Variants in CARF observed in about 807,000 individuals in gnomAD.
CARF encodes the protein calcium-responsive transcription factor.
A neutral mutation model predicts 82.0 loss-of-function variants in CARF; 57 were observed. That is an observed-to-expected ratio of 0.70 (90% confidence interval 0.56 to 0.87). The LOEUF (loss-of-function observed/expected upper bound fraction) is 0.87, where lower values mean the gene tolerates loss of function less well. Among genes scored for constraint, CARF ranks in the 40% least tolerant of loss-of-function variants. CARF has a pLI of 0.00. For synonymous variants in CARF, 268 were observed against 290.1 expected (o/e 0.92, Z 0.77); for missense variants, 771 against 855.8 (o/e 0.90, Z 1.24).
At position 202,987,199 on chromosome 2, in the gene CARF, T is replaced by C. The variant is rs530270728; in HGVS notation, c.*3575T>C. Reference sequence around the variant, plus strand: ...CCTGCAACTCAGCCAAGCATCAACATTTTAAAACAATGTGTGTAATAAGTA... The same window carrying C: ...CCTGCAACTCAGCCAAGCATCAACACTTTAAAACAATGTGTGTAATAAGTA... On this transcript the variant is annotated 3_prime_UTR_variant, in exon 17 of 17. Coordinates refer to ENST00000438828, the MANE Select transcript of CARF (RefSeq NM_024744.17). 5.9e-5 allele frequency: 9 copies of C among 152,008 alleles called. No homozygotes were observed. The highest frequency in any genetic ancestry group is 5.9e-4 in the Admixed American group (9 of 15,206). The allele number at this position is 152,008 out of a possible 1,614,324, so 9.4% of individuals were successfully genotyped here. A position where few individuals can be genotyped will look rare whatever the true frequency, so the allele number is the denominator to read the frequency against.
At chr2:202,969,301 CATGG>C (rs2059680164) in intron 10 of CARF, among the ~76,000 whole-genome samples, 1 of 151,946 alleles carries the variant, frequency 6.6e-6, no homozygotes, top group Admixed American at 6.6e-5. Context: ...CAGGGCCAGG[CATGG>C]CAGCTCATGC....
chr2:202,954,805 T>A (rs2058955712), intron 7 of CARF, among the ~76,000 whole-genome samples: 1 of 150,944 alleles, frequency 6.6e-6, no homozygotes. Context: ...GTCAGGAGAT[T>A]GAGACCATCC....
Position 202,969,972 on chromosome 2 carries a change from C to T in CARF, c.1007C>T (p.Pro336Leu), listed in dbSNP as rs751343153. The T allele has an allele frequency of 1.9e-6, 3 of 1,572,444 alleles. No individual in the cohort carries two copies. In the South Asian group the frequency reaches 3.7e-5, roughly 19 times the overall value. ...KFPEYRVPTD[P>L]KIDKKIIRME... ...CCTGAATATAGAGTTCCTACAGACCCCAAAATTGACAAGAAAATTATCAGA... is the reference window on the plus strand; with the variant it reads ...CCTGAATATAGAGTTCCTACAGACCTCAAAATTGACAAGAAAATTATCAGA... Residue 336 changes from proline (P) to leucine (L), a missense_variant, in exon 11 of 17, where the codon CCC (proline) becomes CTC (leucine). Transcript: ENST00000438828.
intron 13 of CARF, among the ~76,000 whole-genome samples, chr2:202,976,132 GATA>G (rs2060016703): frequency 6.6e-6 from 1 of 151,704 alleles, no homozygotes; most frequent in Non-Finnish European, 1.5e-5. Flanking sequence ...TGCCCAAAGT[GATA>G]ATGTTGGTTC....
intron 3 of CARF, among the ~76,000 whole-genome samples, chr2:202,935,571 A>C (rs1693800191): frequency 6.6e-6 from 1 of 151,602 alleles, no homozygotes. Flanking sequence ...CTGCAGGCAC[A>C]CACCACCATG....
intron 5 of CARF, 105 bp from the exon 6 acceptor site, chr2:202,952,454 T>A: frequency 9.6e-7 from 1 of 1,046,602 alleles, no homozygotes; most frequent in Non-Finnish European, 1.3e-6. Context: ...AATCATAGAA[T>A]CCATCATAGA....
At chr2:202,974,270 C>G in intron 12 of CARF, 64 bp from the exon 13 acceptor site, 1 of 1,186,816 alleles carries the variant, frequency 8.4e-7, no homozygotes, top group Non-Finnish European at 1.2e-6. Context: ...ACCTTTCTGT[C>G]TTTTGATCTA....
At chr2:202,972,674 T>TGAA (rs2059843522) in intron 12 of CARF, among the ~76,000 whole-genome samples, 1 of 103,016 alleles carries the variant, frequency 9.7e-6, no homozygotes, top group Non-Finnish European at 1.8e-5. Flanking sequence ...AGACTCCGTC[T>TGAA]AAAAAAAAAA....
At chr2:202,938,500 G>C (rs917101407) in intron 3 of CARF, 2 of 151,640 alleles carry the variant, frequency 1.3e-5, no homozygotes, top group African/African-American at 4.8e-5. Context: ...TGAACTCCTG[G>C]CATCAAGTGA....
In CARF at chr2:202,961,579, G is replaced by A. The variant is rs1031463029; in HGVS notation, c.832+153G>A. On this transcript the variant is annotated intron_variant, in intron 9 of 16. Coordinates refer to ENST00000438828, the MANE Select transcript of CARF (RefSeq NM_024744.17). ...GCATATTAAATTGAAAAAACTTATA[G>A]AAAATATAATCAATTACTTTATAAT... is the stretch of plus-strand genomic sequence containing the variant. 4 of 630,794 alleles carry A rather than the reference G, an allele frequency of 6.3e-6. No homozygotes were observed. In the South Asian group the frequency reaches 8.3e-5, roughly 13 times the overall value. The allele number at this position is 630,794 out of a possible 1,614,324, so 39.1% of individuals were successfully genotyped here.
chr2:202,926,128 ACCT>A (rs1479884990), intron 3 of CARF, among the ~76,000 whole-genome samples: 1 of 151,890 alleles, frequency 6.6e-6, no homozygotes, highest in East Asian at 1.9e-4. Context: ...CAGCCTACCT[ACCT>A]CCTCTGGCCG....
At chr2:202,943,587 TACACACACACACACACACACACACAC>T (rs754214990) in intron 5 of CARF, among the ~76,000 whole-genome samples, 1 of 115,182 alleles carries the variant, frequency 8.7e-6, no homozygotes, top group East Asian at 2.6e-4. Context: ...TAATGGAATG[TACACACACACACACACACACACACAC>T]ACACACACAC....
intron 6 of CARF, 148 bp downstream of exon 6, chr2:202,952,827 A>G (rs916786356): frequency 3.3e-5 from 26 of 789,350 alleles, no homozygotes; most frequent in East Asian, 2.6e-4. Flanking sequence ...TCTTTGCCCA[A>G]ATAAATTCAA....
chr2:202,964,294 T>TTTG (rs1559255468), intron 9 of CARF, among the ~76,000 whole-genome samples: 22 of 149,074 alleles, frequency 1.5e-4, no homozygotes, highest in African/African-American at 5.4e-4. Flanking sequence ...TTGTTTGTTT[T>TTTG]TTTGAGTCGG....
chr2:202,917,084 G>C (rs923394769), intron 1 of CARF, among the ~76,000 whole-genome samples: 1 of 150,664 alleles, frequency 6.6e-6, no homozygotes, highest in East Asian at 1.9e-4. Context: ...AGTGGCGGGC[G>C]CCTGTAGTCC....
At chr2:202,973,738 A>G (rs578236020) in intron 12 of CARF, among the ~76,000 whole-genome samples, 1 of 152,378 alleles carries the variant, frequency 6.6e-6, no homozygotes, top group African/African-American at 2.4e-5. Context: ...CTGACATAGC[A>G]TTAAAAACAT....
At chr2:202,982,800 T>C (rs1048338308) in intron 16 of CARF, among the ~76,000 whole-genome samples, 6 of 152,156 alleles carry the variant, frequency 3.9e-5, no homozygotes, top group African/African-American at 1.4e-4. Flanking sequence ...CAAAGGTTAT[T>C]ATGGAAGAAT....
In CARF at chr2:202,986,722, T is replaced by A. The variant is rs1476192044; in HGVS notation, c.*3098T>A. 3 of 151,420 alleles carry A rather than the reference T, an allele frequency of 2.0e-5. No individual in the cohort carries two copies. The highest frequency in any genetic ancestry group is 4.4e-5 in the Non-Finnish European group (3 of 67,754). 9.4% of individuals were successfully genotyped at this position (151,420 alleles called of 1,614,324 possible). ...ATAGCTTTTGGGATCTGGTCCTGCA[T>A]TAGAGTTTCTAATTCTGAGACCCAC... On this transcript the variant is annotated 3_prime_UTR_variant, in exon 17 of 17. Transcript: ENST00000438828.
intron 8 of CARF, among the ~76,000 whole-genome samples, chr2:202,959,417 G>C: frequency 6.6e-6 from 1 of 152,112 alleles, no homozygotes; most frequent in East Asian, 1.9e-4. Context: ...CCACATCTCT[G>C]TTCTTATTTC....
Sources: gnomAD v4.1 joint callset for allele counts (sites outside exome capture counted in the v4.1 genomes callset) on GRCh38, gnomAD v4.1.1 for gene constraint, MANE v1.5 for transcripts, NCBI Gene and HGNC (gene_info 2026-07-23, HGNC 2026-07-21) for gene names.